Variants in LPP observed in about 807,000 individuals in gnomAD.
LPP encodes lipoma-preferred partner.
LPP carries 38 observed loss-of-function variants against 60.4 expected under a neutral mutation model. The ratio of observed to expected loss-of-function variants is 0.63; its 90% CI spans 0.49 to 0.83. LPP has a LOEUF of 0.83. Among genes scored for constraint, LPP ranks in the 40% least tolerant of loss-of-function variants. The pLI, the probability that LPP is intolerant of heterozygous loss-of-function variation, is 0.00. For synonymous variants in LPP, 328 were observed against 290.8 expected (o/e 1.13, Z -1.30); for missense variants, 902 against 783.6 (o/e 1.15, Z -1.80).
At chr3:188,539,407 G>C (rs1370210842) in intron 6 of LPP, among the ~76,000 whole-genome samples, 1 of 152,166 alleles carries the variant, frequency 6.6e-6, no homozygotes, top group Non-Finnish European at 1.5e-5. Flanking sequence ...GGTGGATAGG[G>C]AGTATTTGCA....
At chr3:188,368,810 C>G (rs1772101442) in intron 3 of LPP, among the ~76,000 whole-genome samples, 1 of 151,732 alleles carries the variant, frequency 6.6e-6, no homozygotes, top group South Asian at 2.1e-4. Flanking sequence ...TCTATAGGAC[C>G]TCGAATGTCT....
chr3:188,655,233 T>C (rs1295558087), intron 7 of LPP, among the ~76,000 whole-genome samples: 3 of 152,212 alleles, frequency 2.0e-5, no homozygotes, highest in Non-Finnish European at 4.4e-5. Flanking sequence ...AATAGGCCCC[T>C]GTTCTTCCAT....
chr3:188,192,112 C>T lies in LPP; in HGVS notation c.-189-33293C>T, dbSNP rs536310713. ...TATATCTCTGTGTACTGATGAATGT[C>T]AGTTTCTCATGTGGTTATACCACTA... On this transcript the variant is annotated intron_variant, in intron 1 of 11. Coordinates refer to ENST00000617246, the MANE Select transcript of LPP (RefSeq NM_001375462.1). 4.6e-5 allele frequency among the ~76,000 whole-genome samples: 7 copies of T among 152,306 alleles called. No individual in the cohort carries two copies. The South Asian group carries it at 1.4e-3, about 32-fold the overall frequency.
intron 8 of LPP, among the ~76,000 whole-genome samples, chr3:188,757,465 G>A (rs1269061804): frequency 6.6e-6 from 1 of 152,102 alleles, no homozygotes; most frequent in Non-Finnish European, 1.5e-5. Flanking sequence ...TGGATTCCAG[G>A]TATTACACTT....
chr3:188,732,895 A>G (rs1468315514), intron 8 of LPP, among the ~76,000 whole-genome samples: 1 of 152,060 alleles, frequency 6.6e-6, no homozygotes, highest in East Asian at 1.9e-4. Flanking sequence ...AAAGTATTAG[A>G]GTTGAGAAAG....
chr3:188,471,647 T>C (rs138733133), intron 4 of LPP, among the ~76,000 whole-genome samples: 1 of 152,226 alleles, frequency 6.6e-6, no homozygotes, highest in Non-Finnish European at 1.5e-5. Context: ...ATTTGAGCAC[T>C]GAGCTAGAGG....
chr3:188,385,061 C>G (rs1384561064), intron 3 of LPP, among the ~76,000 whole-genome samples: 1 of 151,610 alleles, frequency 6.6e-6, no homozygotes, highest in Non-Finnish European at 1.5e-5. Flanking sequence ...GATCTAGTTG[C>G]TTACTTATTT....
intron 4 of LPP, among the ~76,000 whole-genome samples, chr3:188,445,686 A>C (rs1169416006): frequency 6.6e-6 from 1 of 152,180 alleles, no homozygotes; most frequent in Non-Finnish European, 1.5e-5. Context: ...TCATTTATTC[A>C]GGCAATGTTT....
intron 9 of LPP, among the ~76,000 whole-genome samples, chr3:188,799,949 G>T (rs1027285553): frequency 1.3e-5 from 2 of 152,100 alleles, no homozygotes; most frequent in African/African-American, 4.8e-5. Context: ...TCCAGAATTT[G>T]TTGTGTATTA....
At chr3:188,600,274 A>G (rs1840865261) in intron 6 of LPP, among the ~76,000 whole-genome samples, 2 of 148,974 alleles carry the variant, frequency 1.3e-5, no homozygotes, top group Non-Finnish European at 3.0e-5. Flanking sequence ...TACTATGCCT[A>G]TATAATATAT....
At chr3:188,759,776 A>G (rs1410790730) in intron 8 of LPP, among the ~76,000 whole-genome samples, 1 of 151,878 alleles carries the variant, frequency 6.6e-6, no homozygotes, top group Non-Finnish European at 1.5e-5. Flanking sequence ...ATCCTGAGTC[A>G]TGTTCCTTTT....
chr3:188,268,089 T>A (rs1335301000), intron 2 of LPP, among the ~76,000 whole-genome samples: 4 of 138,008 alleles, frequency 2.9e-5, no homozygotes, highest in Non-Finnish European at 6.1e-5. Context: ...CATCTCTCCC[T>A]CCTCCACTTA....
intron 1 of LPP, among the ~76,000 whole-genome samples, chr3:188,186,667 A>G (rs1270415180): frequency 6.6e-6 from 1 of 152,128 alleles, no homozygotes; most frequent in Non-Finnish European, 1.5e-5. Flanking sequence ...TGTTTACAAT[A>G]AAACAGTAAT....
intron 7 of LPP, among the ~76,000 whole-genome samples, chr3:188,613,417 A>G (rs140670484): frequency 1.6e-4 from 24 of 152,110 alleles, no homozygotes; most frequent in African/African-American, 5.1e-4. Flanking sequence ...CACAACTCTC[A>G]AGTCTAAAGT....
chr3:188,473,516 G>A (rs1300379421), intron 4 of LPP, among the ~76,000 whole-genome samples: 2 of 152,134 alleles, frequency 1.3e-5, no homozygotes, highest in African/African-American at 4.8e-5. Flanking sequence ...GTCCTTGTCT[G>A]GGTCCCGACC....
chr3:188,277,583 A>T (rs1180476789), intron 2 of LPP, among the ~76,000 whole-genome samples: 2 of 152,226 alleles, frequency 1.3e-5, no homozygotes, highest in Admixed American at 6.5e-5. Flanking sequence ...AATAAGATTT[A>T]ATAGAACTTT....
At position 188,613,297 on chromosome 3, in the gene LPP, T is replaced by TATATCTATATCTATATCTATATCTATAC. The variant is rs1560643814; in HGVS notation, c.1113+3453_1113+3454insATATCTATATCTATATCTATATCTATAC. ...ATCTATATCTATATCTATATCTATA[T>TATATCTATATCTATATCTATATCTATAC]CTATATCTATATCTATATATATCGC... On this transcript the variant is annotated intron_variant, in intron 7 of 11. Transcript: ENST00000617246. Among the ~76,000 whole-genome samples, 107 of 140,758 alleles carry TATATCTATATCTATATCTATATCTATAC rather than the reference T, an allele frequency of 7.6e-4. 1 individual carries two copies. The highest frequency in any genetic ancestry group is 1.5e-3 in the Admixed American group (21 of 14,226). 92.3% of individuals were successfully genotyped at this position (140,758 alleles called of 152,430 possible).
chr3:188,404,437 G>A (rs1276242966), intron 3 of LPP, among the ~76,000 whole-genome samples: 1 of 152,112 alleles, frequency 6.6e-6, no homozygotes, highest in Non-Finnish European at 1.5e-5. Context: ...TAGAGACCGA[G>A]TCTCATTCTA....
intron 2 of LPP, among the ~76,000 whole-genome samples, chr3:188,240,371 G>GTGTGTGTGTGTGTT (rs1560144670): frequency 2.7e-4 from 40 of 148,200 alleles, no homozygotes; most frequent in African/African-American, 1.1e-3. Context: ...GTGTGTGTGT[G>GTGTGTGTGTGTGTT]TGTGTGAGAG....
Sources: gnomAD v4.1 joint callset for allele counts (sites outside exome capture counted in the v4.1 genomes callset) on GRCh38, gnomAD v4.1.1 for gene constraint, MANE v1.5 for transcripts, NCBI Gene and HGNC (gene_info 2026-07-23, HGNC 2026-07-21) for gene names.